RIMS1: variants seen among roughly 807,000 people sequenced by gnomAD.
RIMS1 encodes regulating synaptic membrane exocytosis protein 1.
In RIMS1, 83 loss-of-function variants were observed where a neutral mutation model predicts 214.1. That is an observed-to-expected ratio of 0.39 (90% CI 0.32 to 0.47). RIMS1 has a LOEUF of 0.47. Among genes scored for constraint, RIMS1 ranks in the 20% least tolerant of loss-of-function variants. The pLI, the probability that RIMS1 is intolerant of heterozygous loss-of-function variation, is 0.99. For synonymous variants in RIMS1, 793 were observed against 786.8 expected, an observed-to-expected ratio of 1.01 and a Z score of -0.13; for missense variants, 2,050 against 2,161.8, an observed-to-expected ratio of 0.95 and a Z score of 1.03.
Position 71,962,695 on chromosome 6 carries a change from C to G in RIMS1, c.165-6288C>G, listed in dbSNP as rs534573010. On this transcript the variant is annotated intron_variant, in intron 1 of 33. Coordinates refer to ENST00000521978, the MANE Select transcript of RIMS1 (RefSeq NM_014989.7). ...ATAAAATGAGTTTTAAAATAATATT[C>G]TTCAGCTTTTCTTCATTTAGAATTT... is the stretch of plus-strand genomic sequence containing the variant. 4.2e-4 allele frequency among the ~76,000 whole-genome samples: 64 copies of G among 152,076 alleles called. 1 individual carries two copies. Among genetic ancestry groups the G allele is most frequent in the Non-Finnish European group, 7.5e-4 (51 of 67,958 alleles).
At position 72,182,954 on chromosome 6, in the gene RIMS1, A is replaced by C. The variant is rs745434723; in HGVS notation, c.1483A>C (p.Met495Leu). Reference sequence around the variant, plus strand: ...GGCCAAGCGCGAGAAGGTGGAGACCATGCTGCGGAACGACTCTTTGAGCTC... The same window carrying C: ...GGCCAAGCGCGAGAAGGTGGAGACCCTGCTGCGGAACGACTCTTTGAGCTC... ...RKAKREKVET[M>L]LRNDSLSSDQ... The change falls in exon 6 of 34, where the codon ATG becomes CTG. Residue 495 changes from methionine to leucine, a missense_variant. Physicochemically the swap from Met to Leu is conservative, Grantham distance 15 (BLOSUM62 2). Around this residue, in one of 6 missense-constraint regions of RIMS1, gnomAD observed 882 missense variants for 828.9 expected, o/e 1.06. Transcript: ENST00000521978. 1 of 1,592,344 alleles carries C rather than the reference A, an allele frequency of 6.3e-7. No homozygotes were observed. Among genetic ancestry groups the C allele is most frequent in the South Asian group, 1.1e-5 (1 of 87,394 alleles).
At chr6:72,001,530 T>G (rs1287331959) in intron 2 of RIMS1, among the ~76,000 whole-genome samples, 4 of 152,118 alleles carry the variant, frequency 2.6e-5, no homozygotes, top group African/African-American at 7.2e-5. Context: ...TACACCTGAA[T>G]GTGCTCTTTG....
At chr6:72,157,601 T>A (rs1192471569) in intron 4 of RIMS1, among the ~76,000 whole-genome samples, 1 of 140,320 alleles carries the variant, frequency 7.1e-6, no homozygotes, top group East Asian at 2.0e-4. Flanking sequence ...ATAACCATAC[T>A]GGTTTTCTTC....
Position 72,167,519 on chromosome 6 carries a change from C to T in RIMS1, c.472-12056C>T, listed in dbSNP as rs114874944. ...AACTTCAAGTAAGATTGATATCATTCGCTCTTTAAATATGTTTTAAGGAAT... is the reference window on the plus strand; with the variant it reads ...AACTTCAAGTAAGATTGATATCATTTGCTCTTTAAATATGTTTTAAGGAAT... On this transcript the variant is annotated intron_variant, in intron 4 of 33. Transcript: ENST00000521978. Among the ~76,000 whole-genome samples, 1,146 of 152,126 alleles carry T rather than the reference C, an allele frequency of 7.5e-3. 5 individuals are homozygous for T. The highest frequency in any genetic ancestry group is 0.014 in the African/African-American group (578 of 41,530).
intron 4 of RIMS1, among the ~76,000 whole-genome samples, chr6:72,115,048 T>G (rs1395964502): frequency 6.6e-6 from 1 of 151,940 alleles, no homozygotes; most frequent in Non-Finnish European, 1.5e-5. Flanking sequence ...ACAGATAAAT[T>G]TTATTGTTTT....
At chr6:72,108,475 C>A (rs1356919873) in intron 4 of RIMS1, among the ~76,000 whole-genome samples, 1 of 152,100 alleles carries the variant, frequency 6.6e-6, no homozygotes, top group African/African-American at 2.4e-5. Context: ...TATCACCTAA[C>A]TTACTATTTC....
At chr6:72,146,723 C>T (rs907402225) in intron 4 of RIMS1, among the ~76,000 whole-genome samples, 1 of 152,188 alleles carries the variant, frequency 6.6e-6, no homozygotes, top group Non-Finnish European at 1.5e-5. Flanking sequence ...AATCCTTTAA[C>T]CCTCTAACCT....
intron 33 of RIMS1, among the ~76,000 whole-genome samples, chr6:72,399,808 G>A (rs2098820555): frequency 6.6e-6 from 1 of 152,146 alleles, no homozygotes; most frequent in Admixed American, 6.5e-5. Context: ...ACAGACGACT[G>A]AAGTATTAGA....
In RIMS1 at chr6:72,403,089, G is replaced by A. The variant is rs1452932351; in HGVS notation, c.*2375G>A. On this transcript the variant is annotated 3_prime_UTR_variant, in exon 34 of 34. Transcript: ENST00000521978. Reference sequence around the variant, plus strand: ...AATAAATCTCAGTAAGAATCAAATGGAAGGTTGTTTTCTGCTGCTGTTTGA... The same window carrying A: ...AATAAATCTCAGTAAGAATCAAATGAAAGGTTGTTTTCTGCTGCTGTTTGA... The A allele has an allele frequency of 6.6e-6, 1 of 152,206 alleles. No homozygotes were observed. The highest frequency in any genetic ancestry group is 2.4e-5 in the African/African-American group (1 of 41,452). 9.4% of individuals were successfully genotyped at this position (152,206 alleles called of 1,614,324 possible).
intron 29 of RIMS1, among the ~76,000 whole-genome samples, chr6:72,358,357 G>T (rs62407523): frequency 0.19 from 28,810 of 151,804 alleles, 3,458 homozygotes; most frequent in Middle Eastern, 0.27. Flanking sequence ...TTTTAAGTGA[G>T]TACTTTTCTC....
chr6:72,313,110 G>T lies in RIMS1; in HGVS notation c.3964-396G>T, dbSNP rs1260871390. Among the ~76,000 whole-genome samples, 4 of 152,152 alleles carry T rather than the reference G, an allele frequency of 2.6e-5. No homozygotes were observed. The East Asian group carries it at 7.7e-4, about 29-fold the overall frequency. On this transcript the variant is annotated intron_variant, in intron 27 of 33. Transcript: ENST00000521978. ...GATTTTGAATTTTTTGATTAGGAAT[G>T]CTCAGCCTATACTTTGACTAGAGTA...
At chr6:72,374,155 C>T (rs574603553) in intron 29 of RIMS1, among the ~76,000 whole-genome samples, 22 of 152,244 alleles carry the variant, frequency 1.4e-4, no homozygotes, top group Non-Finnish European at 2.9e-4. Flanking sequence ...CCTCGTGATC[C>T]GCCCGCCTCG....
intron 23 of RIMS1, among the ~76,000 whole-genome samples, chr6:72,282,017 A>G (rs182265183): frequency 1.3e-5 from 2 of 152,084 alleles, no homozygotes; most frequent in East Asian, 3.9e-4. Context: ...GTATATATAC[A>G]TGCACAAGTG....
chr6:72,155,371 C>T (rs565078907), intron 4 of RIMS1, among the ~76,000 whole-genome samples: 1 of 140,738 alleles, frequency 7.1e-6, no homozygotes, highest in East Asian at 2.0e-4. Flanking sequence ...CCTAAATCAT[C>T]TCTCTGAGCC....
chr6:72,049,186 C>G (rs937354074), intron 2 of RIMS1, among the ~76,000 whole-genome samples: 1 of 152,106 alleles, frequency 6.6e-6, no homozygotes, highest in Admixed American at 6.6e-5. Flanking sequence ...GTGTCTGAAT[C>G]CTGGCAGCCT....
chr6:72,132,942 A>T (rs182726966), intron 4 of RIMS1, among the ~76,000 whole-genome samples: 1 of 152,012 alleles, frequency 6.6e-6, no homozygotes, highest in Non-Finnish European at 1.5e-5. Context: ...TGTGTGTAAA[A>T]TATCCATATG....
chr6:71,921,678 T>G (rs975322664), intron 1 of RIMS1, among the ~76,000 whole-genome samples: 23 of 152,198 alleles, frequency 1.5e-4, no homozygotes, highest in Non-Finnish European at 2.8e-4. Context: ...TTTTCATAAG[T>G]AGTGAATCAT....
intron 4 of RIMS1, among the ~76,000 whole-genome samples, chr6:72,161,754 A>G (rs2045450764): frequency 7.1e-6 from 1 of 140,830 alleles, no homozygotes. Flanking sequence ...TCTGAGAGAC[A>G]GTTTGTTGTG....
At chr6:72,241,639 A>G (rs1038567621) in intron 9 of RIMS1, among the ~76,000 whole-genome samples, 8 of 152,140 alleles carry the variant, frequency 5.3e-5, no homozygotes, top group African/African-American at 1.4e-4. Context: ...AATGTTCACA[A>G]TATAGATTAT....
Sources: allele counts gnomAD v4.1 joint callset (sites outside exome capture counted in the v4.1 genomes callset), GRCh38; gene constraint gnomAD v4.1.1; regional missense constraint gnomAD v4.1.1; transcripts MANE v1.5; gene names NCBI Gene and HGNC (gene_info 2026-07-23, HGNC 2026-07-21).